HOXC12: variants seen among roughly 807,000 people sequenced by gnomAD.
HOXC12 encodes homeobox C12, also known as homeobox protein Hox-C12.
In HOXC12, 24 loss-of-function variants were observed where a neutral mutation model predicts 20.9. The observed-to-expected ratio is 1.15, with a 90% CI of 0.83 to 1.61. The LOEUF is 1.61. Among genes scored for constraint, HOXC12 ranks in the 40% most tolerant of loss-of-function variants. The probability of loss-of-function intolerance (pLI) is 0.00; values close to 1 mark genes in which losing one functional copy is unlikely to be tolerated. For missense variants in HOXC12, 436 were observed against 406.9 expected, an observed-to-expected ratio of 1.07 and a Z score of -0.62; for synonymous variants, 202 against 197.7, an observed-to-expected ratio of 1.02 and a Z score of -0.18.
chr12:53,958,946 T>A lies in HOXC12; in HGVS notation c.*2380T>A, dbSNP rs1938911249. On this transcript the variant is annotated 3_prime_UTR_variant, in exon 2 of 2. Transcript: ENST00000243103. ...TATTAATATTGATAATAATAATAAT[T>A]AAAACATGAATTATGATTATGTGAT... The A allele has an allele frequency of 6.6e-6, 1 of 152,186 alleles. No individual in the cohort carries two copies. The highest frequency in any genetic ancestry group is 2.1e-4 in the South Asian group (1 of 4,820). The allele number at this position is 152,186 out of a possible 1,614,324, so 9.4% of individuals were successfully genotyped here. A position where few individuals can be genotyped will look rare whatever the true frequency, so the allele number is the denominator to read the frequency against.
chr12:53,955,354 C>T lies in HOXC12; in HGVS notation c.425C>T (p.Ala142Val), dbSNP rs1938842987. Residue 142 changes from alanine to valine, a missense_variant, in exon 1 of 2, where the codon GCG becomes GTG. Coordinates refer to ENST00000243103, the MANE Select transcript of HOXC12 (RefSeq NM_173860.3). ...GCGCTCGGCTTCAAGTACGACTACGCGGCGGGCGGCGGCGGTGGCGACGGC... is the reference window on the plus strand; with the variant it reads ...GCGCTCGGCTTCAAGTACGACTACGTGGCGGGCGGCGGCGGTGGCGACGGC... ...PPALGFKYDY[A>V]AGGGGGDGGG... The T allele has an allele frequency of 2.1e-6, 3 of 1,451,576 alleles. No homozygotes were observed. The highest frequency in any genetic ancestry group is 2.7e-6 in the Non-Finnish European group (3 of 1,109,872). 89.9% of individuals were successfully genotyped at this position (1,451,576 alleles called of 1,614,324 possible).
Position 53,956,647 on chromosome 12 carries a change from C to G in HOXC12, c.*81C>G, listed in dbSNP as rs1938872906. On this transcript the variant is annotated 3_prime_UTR_variant, in exon 2 of 2. Transcript: ENST00000243103. ...AGAGGGCGCCGCCTAGAACACAGTC[C>G]CCACTTAGAACGCCAGGCGTCTCTG... 1.9e-6 allele frequency: 2 copies of G among 1,031,328 alleles called. No individual in the cohort carries two copies. The allele number at this position is 1,031,328 out of a possible 1,614,324, so 63.9% of individuals were successfully genotyped here.
In HOXC12 at chr12:53,956,630, C is replaced by T. The variant is rs1313883795; in HGVS notation, c.*64C>T. 1.2e-5 allele frequency: 15 copies of T among 1,206,446 alleles called. No homozygotes were observed. The highest frequency in any genetic ancestry group is 1.3e-5 in the Non-Finnish European group (11 of 850,146). 74.7% of individuals were successfully genotyped at this position (1,206,446 alleles called of 1,614,324 possible). The stretch of plus-strand genomic sequence containing the variant: ...CCCTGGCAGAGAGCAAAAGAGGGCG[C>T]CGCCTAGAACACAGTCCCCACTTAG... On this transcript the variant is annotated 3_prime_UTR_variant, in exon 2 of 2. Coordinates refer to ENST00000243103, the MANE Select transcript of HOXC12 (RefSeq NM_173860.3).
intron 1 of HOXC12, among the ~76,000 whole-genome samples, chr12:53,955,789 G>C (rs1337225230): frequency 6.6e-6 from 1 of 152,142 alleles, no homozygotes; most frequent in African/African-American, 2.4e-5. Flanking sequence ...GATCCTGACG[G>C]GGACTCCCCA....
At chr12:53,956,088 T>G (rs1257422729) in intron 1 of HOXC12, among the ~76,000 whole-genome samples, 1 of 150,502 alleles carries the variant, frequency 6.6e-6, no homozygotes, top group African/African-American at 2.5e-5. Flanking sequence ...GGAGGTAGGG[T>G]TGAGGAGGTA....
chr12:53,957,596 C>CA lies in HOXC12; in HGVS notation c.*1030_*1031insA, dbSNP rs1410003269. ...GCGTTCACGGTCACTGCCTCACGGGCCGGCCAGAGGGTGGACCAGCGTAAT... is the reference window on the plus strand; with the variant it reads ...GCGTTCACGGTCACTGCCTCACGGGCACGGCCAGAGGGTGGACCAGCGTAAT... On this transcript the variant is annotated 3_prime_UTR_variant, in exon 2 of 2. Coordinates refer to ENST00000243103, the MANE Select transcript of HOXC12 (RefSeq NM_173860.3). The CA allele has an allele frequency of 3.3e-5, 5 of 152,158 alleles. No homozygotes were observed. The highest frequency in any genetic ancestry group is 1.2e-4 in the African/African-American group (5 of 41,424). 9.4% of individuals were successfully genotyped at this position (152,158 alleles called of 1,614,324 possible).
At position 53,956,382 on chromosome 12, in the gene HOXC12, C is replaced by G. The variant is rs1230197054; in HGVS notation, c.665C>G (p.Ser222Trp). The G allele has an allele frequency of 1.1e-5, 17 of 1,611,908 alleles. No individual in the cohort carries two copies. The highest frequency in any genetic ancestry group is 1.4e-5 in the Non-Finnish European group (16 of 1,179,244). The change falls in exon 2 of 2, where the codon TCG becomes TGG. Residue 222 changes from serine to tryptophan, a missense_variant. By Grantham distance (177) the Ser-to-Trp change is radical. Coordinates refer to ENST00000243103, the MANE Select transcript of HOXC12 (RefSeq NM_173860.3). ...TCTCGGAAGAAGCGCAAGCCCTATT[C>G]GAAGTTGCAACTGGCAGAGCTGGAG... ...SRSRKKRKPY[S>W]KLQLAELEGE...
rs1356879820 is a variant in HOXC12, at chr12:53,957,592, C to CGGCCGGCCAGAGGGT, written c.*1028_*1029insCCGGCCAGAGGGTGG. The CGGCCGGCCAGAGGGT allele has an allele frequency of 1.3e-5, 2 of 151,254 alleles. No individual in the cohort carries two copies. Among genetic ancestry groups the CGGCCGGCCAGAGGGT allele is most frequent in the Non-Finnish European group, 2.9e-5 (2 of 67,966 alleles). 9.4% of individuals were successfully genotyped at this position (151,254 alleles called of 1,614,324 possible). The stretch of plus-strand genomic sequence containing the variant: ...GCTGGCGTTCACGGTCACTGCCTCA[C>CGGCCGGCCAGAGGGT]GGGCCGGCCAGAGGGTGGACCAGCG... On this transcript the variant is annotated 3_prime_UTR_variant, in exon 2 of 2. Transcript: ENST00000243103.
In HOXC12 at chr12:53,955,432, C is replaced by G. The variant is rs1164281113; in HGVS notation, c.503C>G (p.Ser168Cys). Reference sequence around the variant, plus strand: ...CCGCCCTCCTGCCAGTCGCTGGAATCCGACTCCAGTTCGTCCCTGCTCAAC... The same window carrying G: ...CCGCCCTCCTGCCAGTCGCTGGAATGCGACTCCAGTTCGTCCCTGCTCAAC... ...HDPPSCQSLE[S>C]DSSSSLLNEG... is the part of the protein sequence containing the mutation. Residue 168 changes from serine to cysteine, a missense_variant, in exon 1 of 2, where the codon TCC becomes TGC. Coordinates refer to ENST00000243103, the MANE Select transcript of HOXC12 (RefSeq NM_173860.3). 1 of 1,509,934 alleles carries G rather than the reference C, an allele frequency of 6.6e-7. No individual in the cohort carries two copies. The highest frequency in any genetic ancestry group is 2.7e-5 in the East Asian group (1 of 37,186). 93.5% of individuals were successfully genotyped at this position (1,509,934 alleles called of 1,614,324 possible).
rs1938905349 is a variant in HOXC12 at position 53,958,471 on chromosome 12, T to C, written c.*1905T>C. 1 of 152,238 alleles carries C rather than the reference T, an allele frequency of 6.6e-6. No individual in the cohort carries two copies. The highest frequency in any genetic ancestry group is 2.4e-5 in the African/African-American group (1 of 41,442). The allele number at this position is 152,238 out of a possible 1,614,324, so 9.4% of individuals were successfully genotyped here. Reference sequence around the variant, plus strand: ...TCACCCATGTACAAGTTCCCCCAAATTACCACCATTCCAGCTGTCTGCAGT... The same window carrying C: ...TCACCCATGTACAAGTTCCCCCAAACTACCACCATTCCAGCTGTCTGCAGT... On this transcript the variant is annotated 3_prime_UTR_variant, in exon 2 of 2. Transcript: ENST00000243103.
chr12:53,955,555 A>G lies in HOXC12; in HGVS notation c.610+16A>G. On this transcript the variant is annotated intron_variant, in intron 1 of 1. Transcript: ENST00000243103. ...TCGGCCAGCGGTAAGGACCCCGGCC[A>G]CTCAAGCGGCGGATTCAAACCCGAC... 1 of 1,399,950 alleles carries G rather than the reference A, an allele frequency of 7.1e-7. No individual in the cohort carries two copies. The highest frequency in any genetic ancestry group is 9.3e-7 in the Non-Finnish European group (1 of 1,077,466). 86.7% of individuals were successfully genotyped at this position (1,399,950 alleles called of 1,614,324 possible). A position where few individuals can be genotyped will look rare whatever the true frequency, so the allele number is the denominator to read the frequency against.
chr12:53,955,031 G>A lies in HOXC12; in HGVS notation c.102G>A (p.Ala34=). 6.2e-7 allele frequency: 1 copy of A among 1,614,062 alleles called. No individual in the cohort carries two copies. Among genetic ancestry groups the A allele is most frequent in the Non-Finnish European group, 8.5e-7 (1 of 1,179,992 alleles). ...FYFPNFRASG[A]QLPGLPSLSY... ...TCCCCAACTTCCGCGCGTCCGGGGC[G>A]CAGCTTCCCGGGCTGCCTTCGCTGT... The change falls in exon 1 of 2, where the codon GCG becomes GCA. Residue 34 remains alanine, a synonymous_variant. Transcript: ENST00000243103.
rs1300111632 is a variant in HOXC12 at position 53,955,216 on chromosome 12, G to A, written c.287G>A (p.Arg96His). 3 of 1,602,108 alleles carry A rather than the reference G, an allele frequency of 1.9e-6. No homozygotes were observed. The highest frequency in any genetic ancestry group is 1.3e-5 in the African/African-American group (1 of 74,696). Reference protein sequence around the residue: ...ARVEDGKGYYREPCAEGGGGG... With the variant: ...ARVEDGKGYYHEPCAEGGGGG... ...GTGGAGGACGGCAAGGGTTACTACCGCGAGCCGTGCGCCGAGGGTGGCGGC... is the reference window on the plus strand; with the variant it reads ...GTGGAGGACGGCAAGGGTTACTACCACGAGCCGTGCGCCGAGGGTGGCGGC... Residue 96 changes from arginine (R) to histidine (H), a missense_variant, in exon 1 of 2, where the codon CGC (arginine) becomes CAC (histidine). By Grantham distance (29) the Arg-to-His change is conservative. Coordinates refer to ENST00000243103, the MANE Select transcript of HOXC12 (RefSeq NM_173860.3).
At position 53,958,683 on chromosome 12, in the gene HOXC12, G is replaced by C. The variant is rs1165326938; in HGVS notation, c.*2117G>C. 1 of 152,170 alleles carries C rather than the reference G, an allele frequency of 6.6e-6. No individual in the cohort carries two copies. Among genetic ancestry groups the C allele is most frequent in the Non-Finnish European group, 1.5e-5 (1 of 68,040 alleles). The allele number at this position is 152,170 out of a possible 1,614,324, so 9.4% of individuals were successfully genotyped here. A position where few individuals can be genotyped will look rare whatever the true frequency, so the allele number is the denominator to read the frequency against. ...GACCAGAACACTCTAAAAGGAGTGA[G>C]GGGACAAAGATATGCAATATTCTCT... is the stretch of plus-strand genomic sequence containing the variant. On this transcript the variant is annotated 3_prime_UTR_variant, in exon 2 of 2. Transcript: ENST00000243103.
chr12:53,958,155 A>G lies in HOXC12; in HGVS notation c.*1589A>G, dbSNP rs1481482024. ...GTGTGAAACTGGCCTGCTGGCTTGG[A>G]GTGTTTCCCATATGGGGAGAGTCTC... On this transcript the variant is annotated 3_prime_UTR_variant, in exon 2 of 2. Coordinates refer to ENST00000243103, the MANE Select transcript of HOXC12 (RefSeq NM_173860.3). The G allele has an allele frequency of 6.6e-6, 1 of 152,242 alleles. No individual in the cohort carries two copies. Among genetic ancestry groups the G allele is most frequent in the African/African-American group, 2.4e-5 (1 of 41,454 alleles). The allele number at this position is 152,242 out of a possible 1,614,324, so 9.4% of individuals were successfully genotyped here.
At chr12:53,956,226 C>T (rs74089826) in intron 1 of HOXC12, 102 bp from the exon 2 acceptor site, 79,775 of 894,378 alleles carry the variant, frequency 0.089, 4,006 homozygotes, top group African/African-American at 0.18. Flanking sequence ...GCCTGGAGTC[C>T]AGCTGTGAGG....
Position 53,956,582 on chromosome 12 carries a change from C to A in HOXC12, c.*16C>A, listed in dbSNP as rs201053945. On this transcript the variant is annotated 3_prime_UTR_variant, in exon 2 of 2. Coordinates refer to ENST00000243103, the MANE Select transcript of HOXC12 (RefSeq NM_173860.3). ...CTTCTTTTAAGGTGCAGGACACGGGCGCCAGCCCCAGACTGAGCCTGTCCC... is the reference window on the plus strand; with the variant it reads ...CTTCTTTTAAGGTGCAGGACACGGGAGCCAGCCCCAGACTGAGCCTGTCCC... 338 of 1,581,024 alleles carry A rather than the reference C, an allele frequency of 2.1e-4. 2 individuals carry two copies. The African/African-American group carries it at 4.1e-3, about 19-fold the overall frequency.
Position 53,957,543 on chromosome 12 carries a change from G to GAGGCCTCTGATTCT in HOXC12, c.*978_*991dup, listed in dbSNP as rs1425869624. On this transcript the variant is annotated 3_prime_UTR_variant, in exon 2 of 2. Coordinates refer to ENST00000243103, the MANE Select transcript of HOXC12 (RefSeq NM_173860.3). Reference sequence around the variant, plus strand: ...GGGAGAATTTCTGACAGCCACAGCCGAGGCCTCTGATTCTCCCTTCCCCGC... The same window carrying GAGGCCTCTGATTCT: ...GGGAGAATTTCTGACAGCCACAGCCGAGGCCTCTGATTCTAGGCCTCTGATTCTCCCTTCCCCGC... 6.6e-6 allele frequency: 1 copy of GAGGCCTCTGATTCT among 152,308 alleles called. No homozygotes were observed. The highest frequency in any genetic ancestry group is 1.5e-5 in the Non-Finnish European group (1 of 68,108). The allele number at this position is 152,308 out of a possible 1,614,324, so 9.4% of individuals were successfully genotyped here.
rs1224578539 is a variant in HOXC12, at chr12:53,954,972, C to T, written c.43C>T (p.Leu15=). 6.2e-7 allele frequency: 1 copy of T among 1,613,906 alleles called. No homozygotes were observed. The highest frequency in any genetic ancestry group is 1.1e-5 in the South Asian group (1 of 91,074). The change falls in exon 1 of 2, where the codon CTG becomes TTG. Residue 15 remains leucine, a synonymous_variant. Coordinates refer to ENST00000243103, the MANE Select transcript of HOXC12 (RefSeq NM_173860.3). ...CCTGAATCCCGGGTTTGTGGGGCCGCTGGTAAACATCCACACGGGAGACAC... is the reference window on the plus strand; with the variant it reads ...CCTGAATCCCGGGTTTGTGGGGCCGTTGGTAAACATCCACACGGGAGACAC... The part of the protein sequence containing the change: ...NLLNPGFVGP[L]VNIHTGDTFY...
Sources: gnomAD v4.1 joint callset for allele counts (sites outside exome capture counted in the v4.1 genomes callset) on GRCh38, gnomAD v4.1.1 for gene constraint, MANE v1.5 for transcripts, NCBI Gene and HGNC (gene_info 2026-07-23, HGNC 2026-07-21) for gene names.